PDE4D: variants seen among roughly 807,000 people sequenced by gnomAD.
The protein encoded by PDE4D is 3',5'-cyclic-AMP phosphodiesterase 4D.
PDE4D carries 24 observed loss-of-function variants against 87.4 expected under a neutral mutation model. That is an observed-to-expected ratio of 0.27 (90% CI 0.20 to 0.39). PDE4D has a LOEUF of 0.39. PDE4D is among the 10% of genes least tolerant of loss of function. PDE4D has a pLI of 1.00. For synonymous variants in PDE4D, 384 were observed against 383.2 expected (o/e 1.00, Z -0.02); for missense variants, 714 against 1,041.0 (o/e 0.69, Z 4.32).
chr5:59,977,590 G>C (rs1391805061), intron 3 of PDE4D, among the ~76,000 whole-genome samples: 5 of 152,304 alleles, frequency 3.3e-5, no homozygotes, highest in South Asian at 2.1e-4. Flanking sequence ...AAAAAAAGGA[G>C]TGTGAAGTGA....
At chr5:59,977,663 A>T (rs1313450354) in intron 3 of PDE4D, among the ~76,000 whole-genome samples, 6 of 152,220 alleles carry the variant, frequency 3.9e-5, no homozygotes, top group Non-Finnish European at 1.5e-5. Context: ...AAGATCAATG[A>T]TGAAGGCACT....
chr5:59,877,392 A>G (rs1344384221), intron 1 of PDE4D, among the ~76,000 whole-genome samples: 1 of 151,948 alleles, frequency 6.6e-6, no homozygotes, highest in African/African-American at 2.4e-5. Flanking sequence ...AACAATAAAC[A>G]TACATGTTCA....
chr5:59,213,345 A>T (rs1274134484), intron 2 of PDE4D, among the ~76,000 whole-genome samples: 2 of 151,840 alleles, frequency 1.3e-5, no homozygotes, highest in Non-Finnish European at 2.9e-5. Context: ...GATTTTTAGT[A>T]AGGACAAGGT....
intron 1 of PDE4D, among the ~76,000 whole-genome samples, chr5:59,505,742 A>G (rs1349877638): frequency 1.3e-5 from 2 of 152,218 alleles, no homozygotes; most frequent in Non-Finnish European, 2.9e-5. Context: ...ACTCATTCTA[A>G]GACTTCAGAT....
At chr5:59,766,423 A>C (rs1468020169) in intron 1 of PDE4D, among the ~76,000 whole-genome samples, 13 of 152,234 alleles carry the variant, frequency 8.5e-5, no homozygotes, top group Non-Finnish European at 1.5e-5. Flanking sequence ...GCACCAGAAA[A>C]GGAAGTGCCA....
intron 1 of PDE4D, among the ~76,000 whole-genome samples, chr5:59,711,398 T>C (rs1429562030): frequency 6.6e-6 from 1 of 151,944 alleles, no homozygotes; most frequent in African/African-American, 2.4e-5. Flanking sequence ...GCTAAAAAAA[T>C]TAAAAAAAAT....
chr5:60,362,011 T>C (rs962607238), intron 1 of PDE4D, among the ~76,000 whole-genome samples: 1 of 152,202 alleles, frequency 6.6e-6, no homozygotes, highest in Non-Finnish European at 1.5e-5. Context: ...TCCCCCTAAA[T>C]ACCTTTACTC....
At chr5:59,435,400 TC>T (rs1332478665) in intron 1 of PDE4D, among the ~76,000 whole-genome samples, 1 of 152,198 alleles carries the variant, frequency 6.6e-6, no homozygotes, top group Non-Finnish European at 1.5e-5. Flanking sequence ...CTTGGTAGTG[TC>T]TTTCCTGTAC....
At chr5:59,960,474 T>C (rs184896644) in intron 3 of PDE4D, among the ~76,000 whole-genome samples, 2 of 152,080 alleles carry the variant, frequency 1.3e-5, no homozygotes, top group East Asian at 1.9e-4. Flanking sequence ...CAACGGTGGA[T>C]TGGATAAAGA....
At chr5:59,104,352 CA>C (rs1771234047) in intron 5 of PDE4D, among the ~76,000 whole-genome samples, 1 of 152,164 alleles carries the variant, frequency 6.6e-6, no homozygotes, top group African/African-American at 2.4e-5. Flanking sequence ...ACCAAAGTCA[CA>C]CAGTAAGCGT....
chr5:60,382,377 C>T (rs985602344), intron 1 of PDE4D, among the ~76,000 whole-genome samples: 8 of 152,068 alleles, frequency 5.3e-5, no homozygotes, highest in Admixed American at 1.3e-4. Context: ...AGTCAAGGTC[C>T]TATGGGGTTT....
chr5:59,069,125 C>T (rs576231625), intron 5 of PDE4D, among the ~76,000 whole-genome samples: 137 of 152,196 alleles, frequency 9.0e-4, no homozygotes, highest in African/African-American at 3.1e-3. Context: ...CTAAATAATC[C>T]GTTAGACCTT....
chr5:59,629,216 T>A (rs113938333), intron 1 of PDE4D, among the ~76,000 whole-genome samples: 12 of 152,062 alleles, frequency 7.9e-5, no homozygotes, highest in Non-Finnish European at 1.5e-4. Flanking sequence ...CTGAGTGTTG[T>A]TATGGGTTGT....
intron 1 of PDE4D, among the ~76,000 whole-genome samples, chr5:59,865,437 C>T (rs551721523): frequency 6.6e-6 from 1 of 152,244 alleles, no homozygotes; most frequent in Admixed American, 6.5e-5. Context: ...AACAGAGGTG[C>T]CCCTTAGGTT....
At chr5:59,930,401 A>G (rs1241484281) in intron 3 of PDE4D, among the ~76,000 whole-genome samples, 1 of 152,128 alleles carries the variant, frequency 6.6e-6, no homozygotes, top group Non-Finnish European at 1.5e-5. Flanking sequence ...GGAGATCTCT[A>G]CTTCCATCAA....
intron 1 of PDE4D, chr5:59,218,061 C>G (rs1484068800): frequency 6.9e-6 from 3 of 436,566 alleles, no homozygotes; most frequent in African/African-American, 2.0e-5. Context: ...ATTTAGTACA[C>G]AACTGGAAGA....
chr5:59,681,779 T>C (rs1401496000), intron 1 of PDE4D, among the ~76,000 whole-genome samples: 1 of 151,454 alleles, frequency 6.6e-6, no homozygotes, highest in Non-Finnish European at 1.5e-5. Flanking sequence ...GGTGGGTGCC[T>C]GTAGTCCCAG....
intron 5 of PDE4D, among the ~76,000 whole-genome samples, chr5:59,156,334 T>A (rs1404170325): frequency 1.1e-5 from 1 of 91,532 alleles, no homozygotes; most frequent in East Asian, 2.6e-4. Flanking sequence ...TATATATATG[T>A]GTGTGTGTGT....
At chr5:59,875,460 C>CAAAAAAAA (rs3062667) in intron 1 of PDE4D, among the ~76,000 whole-genome samples, 10 of 39,692 alleles carry the variant, frequency 2.5e-4, no homozygotes, top group Non-Finnish European at 3.4e-4. Flanking sequence ...ACCTCCGTCT[C>CAAAAAAAA]AAAAAAAAAA....
Sources: allele counts gnomAD v4.1 joint callset (sites outside exome capture counted in the v4.1 genomes callset), GRCh38; gene constraint gnomAD v4.1.1; transcripts MANE v1.5; gene names NCBI Gene and HGNC (gene_info 2026-07-23, HGNC 2026-07-21).